RSRC1: variants seen among roughly 807,000 people sequenced by gnomAD.
The protein encoded by RSRC1 is arginine and serine rich coiled-coil 1.
RSRC1 carries 39 observed loss-of-function variants against 49.1 expected under a neutral mutation model. That is an observed-to-expected ratio of 0.79 (90% CI 0.61 to 1.04). The LOEUF (loss-of-function observed/expected upper bound fraction) is 1.04. RSRC1 is among the 50% of genes least tolerant of loss of function. The pLI is 0.00. For missense variants in RSRC1, 388 were observed against 402.4 expected, an observed-to-expected ratio of 0.96 and a Z score of 0.31; for synonymous variants, 143 against 130.8, an observed-to-expected ratio of 1.09 and a Z score of -0.63.
At chr3:158,205,958 T>C (rs1371762691) in intron 4 of RSRC1, among the ~76,000 whole-genome samples, 1 of 152,156 alleles carries the variant, frequency 6.6e-6, no homozygotes, top group Non-Finnish European at 1.5e-5. Context: ...TAGTAAATAA[T>C]TTAGGCTTTC....
chr3:158,179,531 C>T (rs1036855612), intron 3 of RSRC1, among the ~76,000 whole-genome samples: 1 of 152,102 alleles, frequency 6.6e-6, no homozygotes, highest in African/African-American at 2.4e-5. Context: ...TTTTCACTCA[C>T]CATAACCCCC....
intron 6 of RSRC1, among the ~76,000 whole-genome samples, chr3:158,437,164 C>T (rs73172109): frequency 0.12 from 17,802 of 149,230 alleles, 1,302 homozygotes; most frequent in South Asian, 0.19. Context: ...TACTATCCTA[C>T]CAAATTCCCG....
intron 4 of RSRC1, among the ~76,000 whole-genome samples, chr3:158,245,314 C>G (rs1357258891): frequency 6.6e-6 from 1 of 152,034 alleles, no homozygotes; most frequent in African/African-American, 2.4e-5. Context: ...TGTCCAGCTT[C>G]CATGTACTTG....
At chr3:158,505,502 A>G (rs9858318) in intron 7 of RSRC1, among the ~76,000 whole-genome samples, 78,737 of 151,920 alleles carry the variant, frequency 0.52, 20,867 homozygotes, top group African/African-American at 0.63. Flanking sequence ...TAGTGGGTGA[A>G]AAACTCTGTA....
At chr3:158,216,938 A>G (rs1051419673) in intron 4 of RSRC1, among the ~76,000 whole-genome samples, 8 of 151,630 alleles carry the variant, frequency 5.3e-5, no homozygotes, top group African/African-American at 1.9e-4. Context: ...CTCCTTTTTC[A>G]CTAAAGACTA....
chr3:158,472,646 G>A (rs1222446266), intron 7 of RSRC1, among the ~76,000 whole-genome samples: 1 of 152,150 alleles, frequency 6.6e-6, no homozygotes, highest in Non-Finnish European at 1.5e-5. Context: ...CTTCTTTTGA[G>A]AAGTGTCTGT....
chr3:158,485,707 G>A (rs1470961188), intron 7 of RSRC1, among the ~76,000 whole-genome samples: 4 of 152,080 alleles, frequency 2.6e-5, no homozygotes. Flanking sequence ...AGAAAGATAT[G>A]TGAATTATTT....
chr3:158,450,812 CA>C lies in RSRC1; in HGVS notation c.584-10122del, dbSNP rs139604355. On this transcript the variant is annotated intron_variant, in intron 6 of 9. Transcript: ENST00000611884. ...ACCGTGGCCTATTATGCTTTTTTAA[CA>C]TTATATATTTTATGTTAATTATATT... 5.3e-3 allele frequency among the ~76,000 whole-genome samples: 800 copies of C among 151,846 alleles called. 7 individuals carry two copies. Among genetic ancestry groups the C allele is most frequent in the African/African-American group, 0.018 (761 of 41,484 alleles).
intron 4 of RSRC1, among the ~76,000 whole-genome samples, chr3:158,255,250 A>G (rs1724471519): frequency 6.6e-6 from 1 of 152,150 alleles, no homozygotes. Context: ...TATAAGGTGT[A>G]AGGAAGGGAA....
At chr3:158,428,769 C>T (rs968778688) in intron 6 of RSRC1, among the ~76,000 whole-genome samples, 12 of 151,810 alleles carry the variant, frequency 7.9e-5, no homozygotes, top group African/African-American at 2.4e-4. Context: ...AGTTAGGTCC[C>T]ACCAGTTATG....
intron 3 of RSRC1, among the ~76,000 whole-genome samples, chr3:158,186,897 T>C (rs1380493476): frequency 6.6e-6 from 1 of 151,934 alleles, no homozygotes; most frequent in Non-Finnish European, 1.5e-5. Flanking sequence ...TTCCAAAATA[T>C]TTAGTTAAAT....
intron 5 of RSRC1, among the ~76,000 whole-genome samples, chr3:158,326,224 T>A (rs544938525): frequency 6.6e-6 from 1 of 152,180 alleles, no homozygotes; most frequent in Admixed American, 6.5e-5. Context: ...CCTTTATTCC[T>A]TTCTCCTGCC....
At chr3:158,200,142 A>G (rs1191682390) in intron 3 of RSRC1, among the ~76,000 whole-genome samples, 1 of 152,010 alleles carries the variant, frequency 6.6e-6, no homozygotes, top group Non-Finnish European at 1.5e-5. Flanking sequence ...GGTTCACTCC[A>G]TTCTTCTGCC....
At chr3:158,336,559 A>C (rs967552886) in intron 5 of RSRC1, 2 of 152,418 alleles carry the variant, frequency 1.3e-5, no homozygotes, top group Admixed American at 6.6e-5. Context: ...CCTTGTGTTC[A>C]TTACCCTGGG....
chr3:158,310,042 A>G (rs543115523), intron 5 of RSRC1, among the ~76,000 whole-genome samples: 1 of 151,844 alleles, frequency 6.6e-6, no homozygotes, highest in East Asian at 1.9e-4. Context: ...GTTAGATGGT[A>G]AGATACTATA....
At chr3:158,276,799 A>C (rs544562710) in intron 4 of RSRC1, among the ~76,000 whole-genome samples, 1 of 152,268 alleles carries the variant, frequency 6.6e-6, no homozygotes, top group African/African-American at 2.4e-5. Context: ...TATATCTGTC[A>C]TTTGGATTTT....
chr3:158,339,065 G>A (rs1051094359), intron 5 of RSRC1, among the ~76,000 whole-genome samples: 1 of 152,084 alleles, frequency 6.6e-6, no homozygotes, highest in African/African-American at 2.4e-5. Context: ...GGCCGAGGAG[G>A]ATGGATCATG....
chr3:158,499,076 T>A (rs1739475302), intron 7 of RSRC1, among the ~76,000 whole-genome samples: 1 of 151,972 alleles, frequency 6.6e-6, no homozygotes, highest in South Asian at 2.1e-4. Flanking sequence ...TCCATATGAA[T>A]TTTAGAATTG....
At chr3:158,370,381 A>G (rs1419188656) in intron 6 of RSRC1, among the ~76,000 whole-genome samples, 1 of 151,956 alleles carries the variant, frequency 6.6e-6, no homozygotes, top group African/African-American at 2.4e-5. Context: ...ACATTACTCC[A>G]GAAGGTTTCT....
Sources: allele counts gnomAD v4.1 joint callset (sites outside exome capture counted in the v4.1 genomes callset), GRCh38; gene constraint gnomAD v4.1.1; transcripts MANE v1.5; gene names NCBI Gene and HGNC (gene_info 2026-07-23, HGNC 2026-07-21).